The following UHRF1 variants were observed in gnomAD, a reference collection of about 807,000 sequenced individuals.
UHRF1 encodes ubiquitin like with PHD and ring finger domains 1.
UHRF1 carries 9 observed loss-of-function variants against 96.5 expected under a neutral mutation model. The ratio of observed to expected loss-of-function variants is 0.09; its 90% CI spans 0.06 to 0.16. The LOEUF (loss-of-function observed/expected upper bound fraction) is 0.16. Among genes scored for constraint, UHRF1 ranks in the 10% least tolerant of loss-of-function variants. The probability of loss-of-function intolerance (pLI) is 1.00; values close to 1 mark genes in which losing one functional copy is unlikely to be tolerated. For synonymous variants in UHRF1, 455 were observed against 469.9 expected (o/e 0.97, Z 0.41); for missense variants, 626 against 1,131.1 (o/e 0.55, Z 6.40).
In UHRF1 at chr19:4,921,118, G is replaced by A. The variant is rs192606199; in HGVS notation, c.154-8104G>A. On this transcript the variant is annotated intron_variant, in intron 2 of 16. Coordinates refer to ENST00000650932, the MANE Select transcript of UHRF1 (RefSeq NM_001048201.3). ...CAGCCTGGTGACAGAGGGAGACTCC[G>A]TCTCAAAAAAGAAAAAAAAAGAAAG... Among the ~76,000 whole-genome samples the A allele has an allele frequency of 5.1e-3, 744 of 145,780 alleles. 5 individuals are homozygous for A. Among genetic ancestry groups the A allele is most frequent in the African/African-American group, 0.018 (698 of 39,510 alleles).
At chr19:4,904,047 G>A (rs1354886088) in intron 1 of UHRF1, among the ~76,000 whole-genome samples, 1 of 152,030 alleles carries the variant, frequency 6.6e-6, no homozygotes, top group Non-Finnish European at 1.5e-5. Flanking sequence ...CGTGATCTCG[G>A]CTCACTGCAA....
At chr19:4,942,934 A>T (rs1033077481) in intron 7 of UHRF1, among the ~76,000 whole-genome samples, 11 of 149,582 alleles carry the variant, frequency 7.4e-5, no homozygotes, top group African/African-American at 2.7e-4. Context: ...GTGAGACCCT[A>T]TTTCTTTAGA....
At position 4,929,469 on chromosome 19, in the gene UHRF1, T is replaced by A; in HGVS notation, c.401T>A (p.Leu134Gln). 6.2e-7 allele frequency: 1 copy of A among 1,610,804 alleles called. No homozygotes were observed. The highest frequency in any genetic ancestry group is 8.5e-7 in the Non-Finnish European group (1 of 1,177,628). Residue 134 changes from leucine to glutamine, a missense_variant, in exon 3 of 17, where the codon CTG becomes CAG. Leu to Gln is a moderately radical substitution (Grantham distance 113). Around this residue, in one of 11 missense-constraint regions of UHRF1, gnomAD observed 11 missense variants for 38.1 expected, o/e 0.29. Transcript: ENST00000650932. ...ATGTGGGATGAGACGGAATTGGGGC[T>A]GTACAAGGTGAGCCTCCCCTCCGCA... ...EDMWDETELG[L>Q]YKVNEYVDAR... is the part of the protein sequence containing the mutation.
rs145375156 is a variant in UHRF1, at chr19:4,952,637, C to A, written c.1818+1641C>A. 3.7e-3 allele frequency among the ~76,000 whole-genome samples: 563 copies of A among 152,120 alleles called. 3 individuals are homozygous for A. The highest frequency in any genetic ancestry group is 0.013 in the African/African-American group (537 of 41,506). The stretch of plus-strand genomic sequence containing the variant: ...CCTCAGGTGATCCACCTGCTTCCAC[C>A]TCCCAAAGTGCTGGGATTACAGGTG... On this transcript the variant is annotated intron_variant, in intron 13 of 16. Coordinates refer to ENST00000650932, the MANE Select transcript of UHRF1 (RefSeq NM_001048201.3).
Position 4,960,914 on chromosome 19 carries a change from G to A in UHRF1, c.*111G>A, listed in dbSNP as rs572373037. 339 of 569,542 alleles carry A rather than the reference G, an allele frequency of 6.0e-4. No homozygotes were observed. Among genetic ancestry groups the A allele is most frequent in the Non-Finnish European group, 9.1e-4 (309 of 338,616 alleles). 35.3% of individuals were successfully genotyped at this position (569,542 alleles called of 1,614,324 possible). A position where few individuals can be genotyped will look rare whatever the true frequency, so the allele number is the denominator to read the frequency against. On this transcript the variant is annotated 3_prime_UTR_variant, in exon 17 of 17. Transcript: ENST00000650932. ...AACTTAAACAGGTAGTGTTTCCTCC[G>A]TTCCCTAAAAAGGTTTGTCTTCCTT... is the stretch of plus-strand genomic sequence containing the variant.
chr19:4,948,456 A>T (rs913550385), intron 11 of UHRF1, among the ~76,000 whole-genome samples: 5 of 152,210 alleles, frequency 3.3e-5, no homozygotes, highest in African/African-American at 1.2e-4. Context: ...GACATGACAC[A>T]TGATGATAGT....
At chr19:4,904,937 C>G (rs534316410), upstream of UHRF1, among the ~76,000 whole-genome samples, 4 of 152,194 alleles carry the variant, frequency 2.6e-5, no homozygotes, top group African/African-American at 7.2e-5. Context: ...TACCCATTCT[C>G]TAGCCTGGCA....
chr19:4,947,519 T>TTTTTTTTTG (rs1568428019), intron 11 of UHRF1, among the ~76,000 whole-genome samples: 3 of 132,062 alleles, frequency 2.3e-5, no homozygotes, highest in African/African-American at 8.8e-5. Context: ...TTTTTTTTTT[T>TTTTTTTTTG]GGGCAGAGTC....
At chr19:4,935,675 C>G (rs752388071) in intron 5 of UHRF1, among the ~76,000 whole-genome samples, 2 of 151,990 alleles carry the variant, frequency 1.3e-5, no homozygotes, top group Admixed American at 1.3e-4. Flanking sequence ...TTCAGCTAGT[C>G]GGCTAGTAAG....
At chr19:4,917,120 T>C (rs1194942943) in intron 2 of UHRF1, among the ~76,000 whole-genome samples, 1 of 148,730 alleles carries the variant, frequency 6.7e-6, no homozygotes, top group South Asian at 2.1e-4. Context: ...CGTTTTTTTT[T>C]TTTTTTTTTT....
At chr19:4,918,414 G>A (rs1295007716) in intron 2 of UHRF1, among the ~76,000 whole-genome samples, 1 of 149,974 alleles carries the variant, frequency 6.7e-6, no homozygotes, top group Non-Finnish European at 1.5e-5. Flanking sequence ...GAGTCACTGT[G>A]CCTGGCCTGT....
chr19:4,946,350 C>T lies in UHRF1; in HGVS notation c.1410+385C>T, dbSNP rs17883957. ...CTTTGTCCATGTTGTCGCATGTGTC[C>T]GGATTCCCCTTTTGTTCACGGCTGA... is the stretch of plus-strand genomic sequence containing the variant. On this transcript the variant is annotated intron_variant, in intron 10 of 16. Coordinates refer to ENST00000650932, the MANE Select transcript of UHRF1 (RefSeq NM_001048201.3). Among the ~76,000 whole-genome samples, 123 of 152,224 alleles carry T rather than the reference C, an allele frequency of 8.1e-4. 1 individual carries two copies. The Middle Eastern group carries it at 0.014, about 17-fold the overall frequency.
At chr19:4,938,729 G>GTTTTTTT (rs1568421911) in intron 5 of UHRF1, among the ~76,000 whole-genome samples, 3 of 73,914 alleles carry the variant, frequency 4.1e-5, no homozygotes, top group African/African-American at 1.7e-4. Context: ...GTTTTGGTCA[G>GTTTTTTT]GTTTTTTTTT....
chr19:4,946,495 T>C (rs1031842718), intron 10 of UHRF1, among the ~76,000 whole-genome samples: 4 of 152,126 alleles, frequency 2.6e-5, no homozygotes, highest in African/African-American at 9.7e-5. Flanking sequence ...TGTACAAGTA[T>C]CTCCAGCCCC....
intron 2 of UHRF1, among the ~76,000 whole-genome samples, chr19:4,911,497 T>C (rs1487842725): frequency 6.6e-6 from 1 of 152,126 alleles, no homozygotes; most frequent in Admixed American, 6.6e-5. Context: ...TGTTTGTTTC[T>C]AAAAATTTGG....
chr19:4,915,948 C>T (rs1009279000), intron 2 of UHRF1, among the ~76,000 whole-genome samples: 1 of 152,158 alleles, frequency 6.6e-6, no homozygotes, highest in African/African-American at 2.4e-5. Flanking sequence ...CCCTTTACAT[C>T]ATCCAGAATG....
At chr19:4,929,528 C>G (rs1218642926) in intron 3 of UHRF1, 52 bp downstream of exon 3, 1 of 1,572,878 alleles carries the variant, frequency 6.4e-7, no homozygotes, top group Non-Finnish European at 8.6e-7. Flanking sequence ...CCCTGCCATT[C>G]TGGTCTTTGC....
At position 4,956,741 on chromosome 19, in the gene UHRF1, G is replaced by C; in HGVS notation, c.2163G>C (p.Thr721=). 2 of 1,612,442 alleles carry C rather than the reference G, an allele frequency of 1.2e-6. No homozygotes were observed. Among genetic ancestry groups the C allele is most frequent in the Non-Finnish European group, 1.7e-6 (2 of 1,179,232 alleles). The change falls in exon 16 of 17, where the codon ACG becomes ACC. Residue 721 remains threonine (T), a synonymous_variant. Coordinates refer to ENST00000650932, the MANE Select transcript of UHRF1 (RefSeq NM_001048201.3). ...TGTTCCTGAGTAAAGTGGAGGAGAC[G>C]TTCCAGTGTATCTGCTGTCAGGAGC... ...FQLFLSKVEE[T]FQCICCQELV...
At chr19:4,931,425 C>T (rs2779179) in intron 4 of UHRF1, among the ~76,000 whole-genome samples, 38,308 of 150,640 alleles carry the variant, frequency 0.25, 5,113 homozygotes, top group Middle Eastern at 0.39. Context: ...TACAGGTGCC[C>T]GCCACCACAC....
Sources: allele counts gnomAD v4.1 joint callset (sites outside exome capture counted in the v4.1 genomes callset), GRCh38; gene constraint gnomAD v4.1.1; regional missense constraint gnomAD v4.1.1; transcripts MANE v1.5; gene names NCBI Gene and HGNC (gene_info 2026-07-23, HGNC 2026-07-21).